FRK: variants seen among roughly 807,000 people sequenced by gnomAD.
The protein encoded by FRK is tyrosine-protein kinase FRK.
In FRK, 51 loss-of-function variants were observed where a neutral mutation model predicts 56.4. That is an observed-to-expected ratio of 0.90 (90% CI 0.72 to 1.14). FRK has a LOEUF of 1.14. Ranked by LOEUF, FRK falls within the 50% of genes most tolerant of loss-of-function variation. FRK has a pLI of 0.00. For synonymous variants in FRK, 245 were observed against 217.9 expected, an observed-to-expected ratio of 1.12 and a Z score of -1.10; for missense variants, 570 against 601.4, an observed-to-expected ratio of 0.95 and a Z score of 0.55.
At chr6:115,986,133 T>C (rs1352745138) in intron 2 of FRK, among the ~76,000 whole-genome samples, 1 of 151,956 alleles carries the variant, frequency 6.6e-6, no homozygotes, top group Admixed American at 6.6e-5. Context: ...AGATGCAACA[T>C]TCTTCTCCAT....
At chr6:116,007,884 T>G (rs957004393) in intron 1 of FRK, among the ~76,000 whole-genome samples, 3 of 152,108 alleles carry the variant, frequency 2.0e-5, no homozygotes. Flanking sequence ...GCACATAAAT[T>G]TTAATGCATG....
upstream of FRK, among the ~76,000 whole-genome samples, chr6:116,063,931 C>T (rs778729790): frequency 1.6e-4 from 24 of 152,134 alleles, no homozygotes; most frequent in Non-Finnish European, 2.5e-4. Flanking sequence ...CCCTGAGTAA[C>T]ACTCTGTTCT....
intron 1 of FRK, among the ~76,000 whole-genome samples, chr6:116,010,552 C>T (rs376507573): frequency 3.9e-5 from 6 of 152,192 alleles, no homozygotes; most frequent in East Asian, 1.9e-4. Context: ...ATGGAAGAGA[C>T]GATGTGACAC....
chr6:116,046,441 C>G (rs1401807040), intron 1 of FRK, among the ~76,000 whole-genome samples: 1 of 152,186 alleles, frequency 6.6e-6, no homozygotes, highest in East Asian at 1.9e-4. Flanking sequence ...CCATGGAATA[C>G]TATGCAGCCA....
At chr6:116,083,018 A>G in the FRK span, among the ~76,000 whole-genome samples, 2 of 152,208 alleles carry the variant, frequency 1.3e-5, no homozygotes, top group Admixed American at 6.5e-5. Flanking sequence ...TTTAGACATC[A>G]AGAAGATGAG....
chr6:116,048,975 CTTTT>C (rs71012323), intron 1 of FRK, among the ~76,000 whole-genome samples: 2 of 147,588 alleles, frequency 1.4e-5, no homozygotes, highest in African/African-American at 5.0e-5. Context: ...CCCTGCACTT[CTTTT>C]TTTTTTTTAA....
At chr6:116,078,742 C>T in the FRK span, among the ~76,000 whole-genome samples, 5 of 152,212 alleles carry the variant, frequency 3.3e-5, no homozygotes, top group South Asian at 2.1e-4. Flanking sequence ...TGGATCATAG[C>T]TCTGTCTACC....
At chr6:116,094,181 C>T in the FRK span, among the ~76,000 whole-genome samples, 1 of 152,176 alleles carries the variant, frequency 6.6e-6, no homozygotes. Context: ...GTCCACTATG[C>T]CGAGGCAATC....
chr6:115,949,590 G>A (rs1206497029), intron 5 of FRK, among the ~76,000 whole-genome samples: 1 of 152,112 alleles, frequency 6.6e-6, no homozygotes, highest in Non-Finnish European at 1.5e-5. Context: ...TCAATATTGT[G>A]AAAATGGCCA....
intron 1 of FRK, among the ~76,000 whole-genome samples, chr6:116,032,352 T>C (rs192976604): frequency 1.3e-5 from 2 of 152,178 alleles, no homozygotes; most frequent in East Asian, 3.9e-4. Flanking sequence ...TTCTCTTACA[T>C]GTAAATGAGA....
intron 2 of FRK, among the ~76,000 whole-genome samples, chr6:116,000,495 G>A (rs1452827064): frequency 5.9e-5 from 9 of 151,794 alleles, no homozygotes; most frequent in East Asian, 1.9e-4. Context: ...CACCCAGCTC[G>A]GCCTCCCAAA....
the FRK span, among the ~76,000 whole-genome samples, chr6:116,066,474 T>C: frequency 1.6e-4 from 24 of 152,250 alleles, no homozygotes; most frequent in South Asian, 5.0e-3. Context: ...TCCTATTAGT[T>C]CTGTCCCTCT....
the FRK span, among the ~76,000 whole-genome samples, chr6:116,085,522 TG>T: frequency 6.6e-6 from 1 of 152,256 alleles, no homozygotes; most frequent in Non-Finnish European, 1.5e-5. Context: ...CATTGGAATT[TG>T]AATTATATTT....
the FRK span, among the ~76,000 whole-genome samples, chr6:116,078,763 CCAAA>C: frequency 6.6e-6 from 1 of 152,180 alleles, no homozygotes; most frequent in Admixed American, 6.5e-5. Context: ...TCTCCCAGTG[CCAAA>C]CACTTTCCTG....
At chr6:115,973,867 T>A in intron 2 of FRK, among the ~76,000 whole-genome samples, 1 of 92,790 alleles carries the variant, frequency 1.1e-5, no homozygotes, top group Non-Finnish European at 2.2e-5. Context: ...CGAGACACAG[T>A]CTCAGAAAAA....
chr6:115,999,242 A>G (rs1459729372), intron 2 of FRK, among the ~76,000 whole-genome samples: 1 of 152,230 alleles, frequency 6.6e-6, no homozygotes, highest in Non-Finnish European at 1.5e-5. Flanking sequence ...CCAATGACAA[A>G]TAAGAGTAAG....
At chr6:115,958,715 GA>G (rs1430894620) in intron 4 of FRK, among the ~76,000 whole-genome samples, 6 of 9,644 alleles carry the variant, frequency 6.2e-4, no homozygotes, top group African/African-American at 2.5e-3. Context: ...AAGAAAGAAA[GA>G]AAGAAAGAAA....
At chr6:115,955,524 C>G (rs945110679) in intron 5 of FRK, among the ~76,000 whole-genome samples, 1 of 152,104 alleles carries the variant, frequency 6.6e-6, no homozygotes, top group Non-Finnish European at 1.5e-5. Flanking sequence ...CAATATTTTT[C>G]TGCAAGGAAG....
chr6:115,983,903 C>G (rs1271052467), intron 2 of FRK, among the ~76,000 whole-genome samples: 1 of 152,270 alleles, frequency 6.6e-6, no homozygotes, highest in East Asian at 1.9e-4. Flanking sequence ...GCCTAAAGTT[C>G]AGACCCCATA....
Sources: allele counts gnomAD v4.1 joint callset (sites outside exome capture counted in the v4.1 genomes callset), GRCh38; gene constraint gnomAD v4.1.1; transcripts MANE v1.5; gene names NCBI Gene and HGNC (gene_info 2026-07-23, HGNC 2026-07-21).